The following SGCZ variants were observed in gnomAD, a reference collection of about 807,000 sequenced individuals.
The protein encoded by SGCZ is zeta-sarcoglycan.
SGCZ carries 40 observed loss-of-function variants against 41.3 expected under a neutral mutation model. The observed-to-expected ratio is 0.97, with a 90% CI of 0.75 to 1.26. SGCZ has a LOEUF of 1.26. SGCZ is among the 50% of genes most tolerant of loss of function. SGCZ has a pLI of 0.00. For missense variants in SGCZ, 552 were observed against 369.8 expected, an observed-to-expected ratio of 1.49 and a Z score of -4.04; for synonymous variants, 206 against 137.5, an observed-to-expected ratio of 1.50 and a Z score of -3.49.
intron 1 of SGCZ, among the ~76,000 whole-genome samples, chr8:14,738,304 C>A (rs1449340537): frequency 6.6e-6 from 1 of 152,002 alleles, no homozygotes; most frequent in Non-Finnish European, 1.5e-5. Context: ...CAGTATTTTT[C>A]TTTCCACAAG....
intron 1 of SGCZ, among the ~76,000 whole-genome samples, chr8:14,581,956 C>G (rs886270626): frequency 6.6e-6 from 1 of 152,078 alleles, no homozygotes; most frequent in Non-Finnish European, 1.5e-5. Context: ...CTCATGCTTC[C>G]CATTCCACCT....
intron 1 of SGCZ, among the ~76,000 whole-genome samples, chr8:14,568,220 C>T (rs1196854549): frequency 1.3e-5 from 2 of 151,826 alleles, no homozygotes; most frequent in South Asian, 2.1e-4. Flanking sequence ...ACATCACACA[C>T]TGGGGCCTGT....
At chr8:14,945,051 T>G (rs185746146) in intron 1 of SGCZ, among the ~76,000 whole-genome samples, 3 of 151,316 alleles carry the variant, frequency 2.0e-5, no homozygotes, top group African/African-American at 7.3e-5. Context: ...CTGTGAAAGT[T>G]TGTGCTACAG....
intron 1 of SGCZ, among the ~76,000 whole-genome samples, chr8:14,796,925 A>T (rs902775770): frequency 1.3e-5 from 2 of 152,104 alleles, no homozygotes; most frequent in Non-Finnish European, 2.9e-5. Flanking sequence ...CTTTCCTGCC[A>T]CCCGATGAAG....
At chr8:14,481,360 G>T (rs1438101347) in intron 2 of SGCZ, among the ~76,000 whole-genome samples, 1 of 152,080 alleles carries the variant, frequency 6.6e-6, no homozygotes, top group Non-Finnish European at 1.5e-5. Context: ...ATGGGGAGGG[G>T]TCATAGAAAT....
At chr8:14,832,166 C>T (rs187847252) in intron 1 of SGCZ, among the ~76,000 whole-genome samples, 45 of 152,096 alleles carry the variant, frequency 3.0e-4, no homozygotes, top group Admixed American at 1.7e-3. Context: ...CATTTGCAGA[C>T]ATCGTGACAT....
intron 2 of SGCZ, among the ~76,000 whole-genome samples, chr8:14,509,732 G>C (rs955919527): frequency 6.6e-6 from 1 of 152,112 alleles, no homozygotes; most frequent in African/African-American, 2.4e-5. Context: ...AATTAATAAA[G>C]AGGTTTAATC....
At chr8:14,401,739 A>G (rs574299203) in intron 2 of SGCZ, among the ~76,000 whole-genome samples, 94 of 151,750 alleles carry the variant, frequency 6.2e-4, no homozygotes, top group African/African-American at 1.9e-3. Flanking sequence ...ATAATGCCGC[A>G]ATAAACATAC....
At chr8:14,887,168 C>G (rs1804840531) in intron 1 of SGCZ, among the ~76,000 whole-genome samples, 1 of 152,088 alleles carries the variant, frequency 6.6e-6, no homozygotes, top group Admixed American at 6.6e-5. Context: ...AGTCTGGATT[C>G]AAAGGAGAAG....
intron 1 of SGCZ, among the ~76,000 whole-genome samples, chr8:14,994,198 G>A (rs565267239): frequency 5.2e-4 from 79 of 152,082 alleles, no homozygotes; most frequent in African/African-American, 1.8e-3. Context: ...CCCACATTTG[G>A]TCTCATCATG....
intron 1 of SGCZ, among the ~76,000 whole-genome samples, chr8:14,828,508 T>A (rs1205421886): frequency 1.3e-5 from 2 of 152,218 alleles, no homozygotes; most frequent in South Asian, 2.1e-4. Context: ...ATGGAAATTT[T>A]AAACAAGTGT....
At chr8:15,035,491 C>G (rs1042580669) in intron 1 of SGCZ, among the ~76,000 whole-genome samples, 1 of 152,106 alleles carries the variant, frequency 6.6e-6, no homozygotes. Flanking sequence ...AGTTGTAAAT[C>G]GTTACCTATA....
chr8:15,187,563 CAG>C (rs1418498944), intron 1 of SGCZ, among the ~76,000 whole-genome samples: 1 of 151,926 alleles, frequency 6.6e-6, no homozygotes, highest in East Asian at 1.9e-4. Flanking sequence ...GTATTTATGA[CAG>C]TGCTTCATAG....
At chr8:14,527,813 C>G (rs1416426630) in intron 2 of SGCZ, among the ~76,000 whole-genome samples, 1 of 152,004 alleles carries the variant, frequency 6.6e-6, no homozygotes, top group Non-Finnish European at 1.5e-5. Context: ...TAACCCATGT[C>G]CATAACAATT....
chr8:15,235,643 A>G (rs537593726), intron 1 of SGCZ, among the ~76,000 whole-genome samples: 3 of 152,244 alleles, frequency 2.0e-5, no homozygotes, highest in Non-Finnish European at 4.4e-5. Context: ...AAGTTTCCCC[A>G]GTGGGTTTGC....
intron 1 of SGCZ, among the ~76,000 whole-genome samples, chr8:14,566,836 C>A (rs1446741181): frequency 6.6e-6 from 1 of 152,170 alleles, no homozygotes. Flanking sequence ...GAGGCACAGG[C>A]AGGAACCGGG....
chr8:14,912,997 T>C (rs1799322330), intron 1 of SGCZ, among the ~76,000 whole-genome samples: 2 of 152,070 alleles, frequency 1.3e-5, no homozygotes. Flanking sequence ...TAATTTTGTT[T>C]GTCCTATTTT....
At position 15,216,898 on chromosome 8, in the gene SGCZ, T is replaced by C. The variant is rs966497593; in HGVS notation, c.39+20687A>G. ...CCACAAAAGAGTTATAGAGAGATTT[T>C]TGGGTATCGTTGCTTCTGCACATGG... On this transcript the variant is annotated intron_variant, in intron 1 of 7. Coordinates refer to ENST00000382080, the MANE Select transcript of SGCZ (RefSeq NM_139167.4). Among the ~76,000 whole-genome samples the C allele has an allele frequency of 9.2e-5, 14 of 152,240 alleles. No homozygotes were observed. In the East Asian group the frequency reaches 2.7e-3, roughly 30 times the overall value.
chr8:14,112,397 A>G (rs1802403699), intron 5 of SGCZ, among the ~76,000 whole-genome samples: 1 of 151,950 alleles, frequency 6.6e-6, no homozygotes, highest in Non-Finnish European at 1.5e-5. Flanking sequence ...GGACATAAAC[A>G]GCTAGCCTCC....
Sources: allele counts gnomAD v4.1 joint callset (sites outside exome capture counted in the v4.1 genomes callset), GRCh38; gene constraint gnomAD v4.1.1; transcripts MANE v1.5; gene names NCBI Gene and HGNC (gene_info 2026-07-23, HGNC 2026-07-21).